TLK1: variants seen among roughly 807,000 people sequenced by gnomAD.
TLK1 encodes the protein serine/threonine-protein kinase tousled-like 1.
In TLK1, 24 loss-of-function variants were observed where a neutral mutation model predicts 105.3. That is an observed-to-expected ratio of 0.23 (90% CI 0.17 to 0.32). TLK1 has a LOEUF of 0.32. Among genes scored for constraint, TLK1 ranks in the 10% least tolerant of loss-of-function variants. The probability of loss-of-function intolerance (pLI) is 1.00; values close to 1 mark genes in which losing one functional copy is unlikely to be tolerated. For synonymous variants in TLK1, 321 were observed against 310.4 expected (o/e 1.03, Z -0.36); for missense variants, 558 against 910.5 (o/e 0.61, Z 4.98).
intron 2 of TLK1, among the ~76,000 whole-genome samples, chr2:171,087,705 A>G (rs2105484331): frequency 6.6e-6 from 1 of 152,332 alleles, no homozygotes; most frequent in South Asian, 2.1e-4. Context: ...TAAAGAAAAC[A>G]ATCTTGAAAG....
At chr2:171,006,392 A>C (rs1381131627) in intron 17 of TLK1, 82 bp downstream of exon 17, 2 of 1,488,200 alleles carry the variant, frequency 1.3e-6, no homozygotes, top group African/African-American at 1.4e-5. Context: ...GAAACCAAAA[A>C]ACATGTTTTC....
At chr2:171,047,382 G>A (rs1028609554) in intron 10 of TLK1, among the ~76,000 whole-genome samples, 2 of 152,202 alleles carry the variant, frequency 1.3e-5, no homozygotes, top group Admixed American at 1.3e-4. Flanking sequence ...CTTAGAGCAA[G>A]TCAAATATTT....
intron 11 of TLK1, among the ~76,000 whole-genome samples, chr2:171,039,311 G>C (rs570873807): frequency 6.6e-6 from 1 of 152,248 alleles, no homozygotes; most frequent in African/African-American, 2.4e-5. Flanking sequence ...TGTCACCCAG[G>C]CTGGAGTGCA....
At chr2:171,042,301 C>T (rs928900844) in intron 11 of TLK1, among the ~76,000 whole-genome samples, 3 of 152,042 alleles carry the variant, frequency 2.0e-5, no homozygotes, top group Admixed American at 6.6e-5. Context: ...GGCTGGAGTG[C>T]AGTGGAGTGA....
intron 3 of TLK1, among the ~76,000 whole-genome samples, chr2:171,068,085 G>A (rs1412653254): frequency 5.3e-5 from 8 of 152,086 alleles, no homozygotes; most frequent in Non-Finnish European, 1.0e-4. Flanking sequence ...CTAGCACTTT[G>A]GGAGGCCAAG....
At chr2:171,103,644 G>A (rs946300869) in intron 2 of TLK1, among the ~76,000 whole-genome samples, 1 of 152,092 alleles carries the variant, frequency 6.6e-6, no homozygotes, top group Non-Finnish European at 1.5e-5. Context: ...GATGTTTCTT[G>A]TTAACAGCCT....
At chr2:171,000,542 G>A (rs142530027) in intron 18 of TLK1, among the ~76,000 whole-genome samples, 38 of 151,950 alleles carry the variant, frequency 2.5e-4, no homozygotes, top group African/African-American at 9.2e-4. Flanking sequence ...AAGAAAAATC[G>A]TAAGAGAAAA....
In TLK1 at chr2:170,993,929, G is replaced by T. The variant is rs756534998; in HGVS notation, c.2152C>A (p.Arg718=). The T allele has an allele frequency of 6.2e-6, 10 of 1,609,794 alleles. No homozygotes were observed. The highest frequency in any genetic ancestry group is 2.2e-5 in the South Asian group (2 of 90,324). The change falls in exon 21 of 21, where the codon CGA becomes AGA. Residue 718 remains arginine (R), a synonymous_variant. Transcript: ENST00000431350. The part of the protein sequence containing the change: ...KAFIRRCLAY[R]KEDRFDVHQL... The stretch of plus-strand genomic sequence containing the variant: ...TGCACATCAAATCGATCTTCTTTTC[G>T]ATATGCCAAACAGCGTCTTATAAAT...
At chr2:171,154,591 A>C (rs1692164235) in intron 1 of TLK1, 1 of 152,232 alleles carries the variant, frequency 6.6e-6, no homozygotes, top group South Asian at 2.1e-4. Context: ...AGCAGAGATA[A>C]GCAACTTGCC....
intron 3 of TLK1, among the ~76,000 whole-genome samples, chr2:171,067,570 G>C (rs1212003629): frequency 3.3e-5 from 5 of 152,068 alleles, no homozygotes; most frequent in Non-Finnish European, 1.5e-5. Flanking sequence ...TTTGAGATGT[G>C]ATGGGTAAAA....
intron 9 of TLK1, 34 bp downstream of exon 9, chr2:171,050,030 G>A: frequency 6.2e-7 from 1 of 1,607,066 alleles, no homozygotes; most frequent in South Asian, 1.1e-5. Context: ...GGCTAATGAA[G>A]GGAAAGCGAA....
At chr2:171,202,024 T>C (rs757882154) in intron 1 of TLK1, among the ~76,000 whole-genome samples, 1 of 151,960 alleles carries the variant, frequency 6.6e-6, no homozygotes, top group South Asian at 2.1e-4. Context: ...TAGAAACGAG[T>C]TGGGGACTGT....
rs576546051 is a variant in TLK1 at position 171,115,660 on chromosome 2, C to A, written c.258+2079G>T. Among the ~76,000 whole-genome samples the A allele has an allele frequency of 7.2e-5, 11 of 152,254 alleles. No homozygotes were observed. In the East Asian group the frequency reaches 2.1e-3, roughly 29 times the overall value. On this transcript the variant is annotated intron_variant, in intron 2 of 20. Coordinates refer to ENST00000431350, the MANE Select transcript of TLK1 (RefSeq NM_012290.5). ...AATATAAACACCAACAGTTGCATGT[C>A]TAGACTCTGAAGCTGATGGTGGTGA...
intron 19 of TLK1, 25 bp from the exon 20 acceptor site, chr2:170,996,785 G>A: frequency 6.4e-7 from 1 of 1,555,758 alleles, no homozygotes; most frequent in Non-Finnish European, 8.7e-7. Flanking sequence ...TAAATGTTGA[G>A]ATACTTTTCT....
intron 18 of TLK1, among the ~76,000 whole-genome samples, chr2:170,998,611 T>C (rs1322587193): frequency 1.3e-5 from 2 of 152,222 alleles, no homozygotes; most frequent in Non-Finnish European, 2.9e-5. Context: ...TACTGCAGAA[T>C]GGTGCAATGC....
chr2:170,998,095 TACCTACCTACCTACC>T (rs1481084871), intron 18 of TLK1, among the ~76,000 whole-genome samples: 27 of 150,622 alleles, frequency 1.8e-4, no homozygotes, highest in African/African-American at 6.6e-4. Flanking sequence ...TCTATCTACC[TACCTACCTACCTACC>T]ACCTACCTAC....
chr2:171,193,700 ATTTTTTTTTTTT>A (rs35175399), intron 1 of TLK1, among the ~76,000 whole-genome samples: 10 of 64,630 alleles, frequency 1.5e-4, no homozygotes, highest in South Asian at 1.1e-3. Flanking sequence ...AGCGCCTGGC[ATTTTTTTTTTTT>A]TTTTTTTTTT....
intron 2 of TLK1, among the ~76,000 whole-genome samples, chr2:171,087,449 GA>G (rs937749849): frequency 3.3e-5 from 5 of 151,824 alleles, no homozygotes; most frequent in Admixed American, 1.3e-4. Context: ...AAAGAACAGA[GA>G]AAAAAATATT....
At chr2:171,181,558 T>C (rs1692928799) in intron 1 of TLK1, among the ~76,000 whole-genome samples, 2 of 152,190 alleles carry the variant, frequency 1.3e-5, no homozygotes, top group Non-Finnish European at 2.9e-5. Context: ...CATCTGCTTC[T>C]GGTAAGAGCC....
Sources: allele counts gnomAD v4.1 joint callset (sites outside exome capture counted in the v4.1 genomes callset), GRCh38; gene constraint gnomAD v4.1.1; transcripts MANE v1.5; gene names NCBI Gene and HGNC (gene_info 2026-07-23, HGNC 2026-07-21).